The following RAB3C variants were observed in gnomAD, a reference collection of about 807,000 sequenced individuals.
The protein encoded by RAB3C is RAB3C, member RAS oncogene family.
In RAB3C, 17 loss-of-function variants were observed where a neutral mutation model predicts 26.4. The ratio of observed to expected loss-of-function variants is 0.64; its 90% CI spans 0.44 to 0.97. The LOEUF is 0.97. Ranked by LOEUF, RAB3C falls within the 50% of genes least tolerant of loss-of-function variation. RAB3C has a pLI of 0.00. For synonymous variants in RAB3C, 91 were observed against 95.9 expected, an observed-to-expected ratio of 0.95 and a Z score of 0.30; for missense variants, 242 against 281.9, an observed-to-expected ratio of 0.86 and a Z score of 1.01.
chr5:58,721,934 A>G (rs1045766604), intron 2 of RAB3C, among the ~76,000 whole-genome samples: 5 of 148,150 alleles, frequency 3.4e-5, no homozygotes, highest in African/African-American at 1.2e-4. Context: ...GAAAGCTTCT[A>G]TTTTTTTTTT....
At chr5:58,639,835 T>G (rs158965) in intron 2 of RAB3C, among the ~76,000 whole-genome samples, 17 of 152,152 alleles carry the variant, frequency 1.1e-4, no homozygotes, top group Middle Eastern at 3.4e-3. Context: ...TCTCTAAAAC[T>G]TATCTGTTAA....
intron 2 of RAB3C, among the ~76,000 whole-genome samples, chr5:58,703,598 A>T (rs1465938711): frequency 1.3e-5 from 2 of 152,110 alleles, no homozygotes; most frequent in Non-Finnish European, 1.5e-5. Flanking sequence ...GAATTTGGAG[A>T]AATTGTTTTA....
chr5:58,700,842 G>C (rs948815110), intron 2 of RAB3C, among the ~76,000 whole-genome samples: 2 of 152,122 alleles, frequency 1.3e-5, no homozygotes, highest in Admixed American at 6.6e-5. Flanking sequence ...AAAAAATTGA[G>C]AGCACTTGGT....
At chr5:58,840,569 C>CA (rs1743855022) in intron 4 of RAB3C, among the ~76,000 whole-genome samples, 1 of 152,118 alleles carries the variant, frequency 6.6e-6, no homozygotes, top group Non-Finnish European at 1.5e-5. Flanking sequence ...ACACTGATTT[C>CA]TATGCACGTG....
At chr5:58,804,432 G>A (rs979470655) in intron 3 of RAB3C, among the ~76,000 whole-genome samples, 1 of 152,082 alleles carries the variant, frequency 6.6e-6, no homozygotes, top group African/African-American at 2.4e-5. Flanking sequence ...TCCTTCACAG[G>A]CACACTCTCA....
intron 1 of RAB3C, among the ~76,000 whole-genome samples, chr5:58,609,718 C>G (rs1746656641): frequency 6.6e-6 from 1 of 152,134 alleles, no homozygotes; most frequent in African/African-American, 2.4e-5. Context: ...ATTTGGCATA[C>G]TATTGTATAC....
At chr5:58,745,124 G>A (rs564803247) in intron 3 of RAB3C, among the ~76,000 whole-genome samples, 9 of 151,902 alleles carry the variant, frequency 5.9e-5, no homozygotes, top group Admixed American at 2.0e-4. Context: ...GGGGCCGGGC[G>A]CGGTGGCTCA....
chr5:58,818,047 C>T (rs1294316361), intron 3 of RAB3C, among the ~76,000 whole-genome samples: 1 of 152,198 alleles, frequency 6.6e-6, no homozygotes, highest in Non-Finnish European at 1.5e-5. Context: ...GTCATATTCT[C>T]TCTGATACCT....
At chr5:58,733,134 C>T (rs762711800) in intron 3 of RAB3C, among the ~76,000 whole-genome samples, 30 of 152,142 alleles carry the variant, frequency 2.0e-4, no homozygotes, top group African/African-American at 3.1e-4. Flanking sequence ...CTAACTTCCT[C>T]GAAGATAGTC....
intron 2 of RAB3C, among the ~76,000 whole-genome samples, chr5:58,693,362 A>AT (rs1748620721): frequency 2.2e-4 from 31 of 143,700 alleles, no homozygotes; most frequent in East Asian, 1.6e-3. Flanking sequence ...ATATATATAT[A>AT]AAATTTCTTA....
chr5:58,694,618 T>C (rs1748652280), intron 2 of RAB3C, among the ~76,000 whole-genome samples: 1 of 152,246 alleles, frequency 6.6e-6, no homozygotes, highest in South Asian at 2.1e-4. Context: ...TTTTTAGTGA[T>C]TGCCATTCTA....
intron 2 of RAB3C, among the ~76,000 whole-genome samples, chr5:58,636,325 T>C (rs73759528): frequency 0.036 from 5,467 of 152,276 alleles, 185 homozygotes; most frequent in African/African-American, 0.092. Flanking sequence ...TCCCAGTCCT[T>C]TTAGAAACTA....
At chr5:58,600,052 C>T (rs1339506816) in intron 1 of RAB3C, among the ~76,000 whole-genome samples, 4 of 152,164 alleles carry the variant, frequency 2.6e-5, no homozygotes, top group Non-Finnish European at 4.4e-5. Context: ...GATCCAGTTT[C>T]ATTCTCCTAC....
intron 3 of RAB3C, among the ~76,000 whole-genome samples, chr5:58,734,557 A>G (rs1338351494): frequency 6.6e-6 from 1 of 152,192 alleles, no homozygotes; most frequent in Non-Finnish European, 1.5e-5. Flanking sequence ...ATTTTTGTGC[A>G]GATAACCCAA....
intron 1 of RAB3C, among the ~76,000 whole-genome samples, chr5:58,600,461 C>T (rs1040741340): frequency 2.0e-5 from 3 of 151,972 alleles, no homozygotes; most frequent in Admixed American, 6.6e-5. Context: ...TTGATTCTAC[C>T]CATACATGAG....
rs149986115 is a variant in RAB3C, at chr5:58,598,255, T to TTATA, written c.24+15036_24+15039dup. On this transcript the variant is annotated intron_variant, in intron 1 of 4. Coordinates refer to ENST00000282878, the MANE Select transcript of RAB3C (RefSeq NM_138453.4). ...TAAGTATATGATAATATGTAATACA[T>TTATA]TATATATATATATATAGCTGAAAGC... is the stretch of plus-strand genomic sequence containing the variant. Among the ~76,000 whole-genome samples, 432 of 121,156 alleles carry TTATA rather than the reference T, an allele frequency of 3.6e-3. 59 individuals carry two copies. The highest frequency in any genetic ancestry group is 0.016 in the African/African-American group (420 of 26,222). The allele number at this position is 121,156 out of a possible 152,430, so 79.5% of individuals were successfully genotyped here.
At chr5:58,656,691 T>C (rs1291293057) in intron 2 of RAB3C, among the ~76,000 whole-genome samples, 2 of 152,084 alleles carry the variant, frequency 1.3e-5, no homozygotes, top group Non-Finnish European at 2.9e-5. Flanking sequence ...AGTAAGCATA[T>C]ACATTATAAG....
chr5:58,754,685 CA>C (rs1561310712), intron 3 of RAB3C, among the ~76,000 whole-genome samples: 1 of 152,168 alleles, frequency 6.6e-6, no homozygotes, highest in East Asian at 1.9e-4. Flanking sequence ...AGAGGAACCA[CA>C]AACAAATGTT....
intron 1 of RAB3C, among the ~76,000 whole-genome samples, chr5:58,587,529 CAT>C (rs1396951789): frequency 6.6e-6 from 1 of 152,114 alleles, no homozygotes; most frequent in African/African-American, 2.4e-5. Flanking sequence ...TTCAGAATAA[CAT>C]AGATCTTTAG....
Sources: allele counts gnomAD v4.1 joint callset (sites outside exome capture counted in the v4.1 genomes callset), GRCh38; gene constraint gnomAD v4.1.1; transcripts MANE v1.5; gene names NCBI Gene and HGNC (gene_info 2026-07-23, HGNC 2026-07-21).